HDAC9: variants seen among roughly 807,000 people sequenced by gnomAD.
The protein encoded by HDAC9 is histone deacetylase 9.
HDAC9 carries 41 observed loss-of-function variants against 139.4 expected under a neutral mutation model. The observed-to-expected ratio is 0.29, with a 90% CI of 0.23 to 0.38. The LOEUF (loss-of-function observed/expected upper bound fraction) is 0.38. Among genes scored for constraint, HDAC9 ranks in the 10% least tolerant of loss-of-function variants. The pLI is 1.00. For synonymous variants in HDAC9, 517 were observed against 476.2 expected, an observed-to-expected ratio of 1.09 and a Z score of -1.12; for missense variants, 1,147 against 1,297.0, an observed-to-expected ratio of 0.88 and a Z score of 1.78.
In HDAC9 at chr7:18,975,913, A is replaced by T. The variant is rs2129337915; in HGVS notation, c.3130A>T (p.Thr1044Ser). Residue 1044 changes from threonine (T) to serine (S), a missense_variant, in exon 25 of 26, where the codon ACA becomes TCA. Coordinates refer to ENST00000686413, the MANE Select transcript of HDAC9 (RefSeq NM_178425.4). Reference sequence around the variant, plus strand: ...GACCGTTTCTGCCCTGGCCTCCCTAACAGTGGATGTGGAACAGCCCTTTGC... The same window carrying T: ...GACCGTTTCTGCCCTGGCCTCCCTATCAGTGGATGTGGAACAGCCCTTTGC... ...TETVSALASL[T>S]VDVEQPFAQE... 1 of 1,613,898 alleles carries T rather than the reference A, an allele frequency of 6.2e-7. No individual in the cohort carries two copies. The highest frequency in any genetic ancestry group is 8.5e-7 in the Non-Finnish European group (1 of 1,179,844).
chr7:18,736,579 G>A (rs1398636054), intron 13 of HDAC9, among the ~76,000 whole-genome samples: 3 of 152,214 alleles, frequency 2.0e-5, no homozygotes. Flanking sequence ...TCCCAGCGAT[G>A]AAGCTGACTT....
chr7:18,629,236 G>T (rs560180222), intron 6 of HDAC9, 114 bp from the exon 7 acceptor site: 12 of 944,982 alleles, frequency 1.3e-5, no homozygotes, highest in Admixed American at 3.3e-5. Context: ...TTTCATTTGA[G>T]AATGAGAATG....
chr7:18,221,987 C>CCTTT (rs1792738998), intron 2 of HDAC9, among the ~76,000 whole-genome samples: 1 of 152,090 alleles, frequency 6.6e-6, no homozygotes, highest in Non-Finnish European at 1.5e-5. Context: ...TGTCTTGTTT[C>CCTTT]CTTTCTACTA....
chr7:18,454,269 T>G (rs1356683594), intron 1 of HDAC9, among the ~76,000 whole-genome samples: 2 of 152,120 alleles, frequency 1.3e-5, no homozygotes, highest in East Asian at 3.8e-4. Context: ...ATTAATCTTA[T>G]AATTTTAGGT....
chr7:18,726,900 G>C (rs1785595099), intron 12 of HDAC9, among the ~76,000 whole-genome samples: 1 of 152,054 alleles, frequency 6.6e-6, no homozygotes, highest in Admixed American at 6.6e-5. Flanking sequence ...TCCAAACTGT[G>C]ATTCACTGAT....
At chr7:18,963,303 C>A (rs7789450) in intron 24 of HDAC9, among the ~76,000 whole-genome samples, 30,560 of 152,100 alleles carry the variant, frequency 0.2, 3,321 homozygotes, top group East Asian at 0.39. Context: ...TTGATAGATA[C>A]TAAAGAGTTT....
At chr7:18,526,921 G>A (rs1424558337) in intron 2 of HDAC9, among the ~76,000 whole-genome samples, 2 of 152,112 alleles carry the variant, frequency 1.3e-5, no homozygotes, top group African/African-American at 4.8e-5. Flanking sequence ...CAGAGACAAT[G>A]TCTTTGAAAG....
At chr7:18,555,272 C>T (rs1460874636) in intron 2 of HDAC9, among the ~76,000 whole-genome samples, 1 of 152,100 alleles carries the variant, frequency 6.6e-6, no homozygotes, top group African/African-American at 2.4e-5. Flanking sequence ...GGGAACCTCT[C>T]CTAAGGAAAC....
intron 10 of HDAC9, 57 bp downstream of exon 10, chr7:18,648,055 C>G: frequency 7.5e-7 from 1 of 1,324,900 alleles, no homozygotes; most frequent in East Asian, 2.5e-5. Context: ...TATTAGTGAT[C>G]CAGGATAATG....
chr7:18,496,387 A>C, intron 2 of HDAC9, 63 bp downstream of exon 2: 2 of 1,380,110 alleles, frequency 1.4e-6, no homozygotes, highest in Non-Finnish European at 2.0e-6. Context: ...TGGGAAATGC[A>C]GCTAAGAAAA....
chr7:18,957,229 G>A (rs539600133), intron 24 of HDAC9, among the ~76,000 whole-genome samples: 5 of 152,148 alleles, frequency 3.3e-5, no homozygotes, highest in South Asian at 2.1e-4. Context: ...TTTGACCACC[G>A]TGTGGTGCAT....
chr7:18,613,676 G>A (rs1837793218), intron 6 of HDAC9, among the ~76,000 whole-genome samples: 1 of 151,924 alleles, frequency 6.6e-6, no homozygotes, highest in Admixed American at 6.6e-5. Context: ...AACTTTTATT[G>A]AGCATTTATT....
chr7:18,281,725 G>T (rs1797120114), intron 2 of HDAC9, among the ~76,000 whole-genome samples: 1 of 152,190 alleles, frequency 6.6e-6, no homozygotes, highest in Non-Finnish European at 1.5e-5. Context: ...TTAGACATCT[G>T]ACTTGAAGAC....
intron 2 of HDAC9, among the ~76,000 whole-genome samples, chr7:18,172,846 T>G (rs532847555): frequency 1.3e-5 from 2 of 152,214 alleles, no homozygotes; most frequent in Non-Finnish European, 2.9e-5. Flanking sequence ...TCTTTTACAT[T>G]TGCTGAGGAG....
intron 13 of HDAC9, among the ~76,000 whole-genome samples, chr7:18,747,131 C>T (rs761943616): frequency 2.0e-5 from 3 of 151,896 alleles, no homozygotes; most frequent in African/African-American, 4.8e-5. Context: ...CTTTTGTAGG[C>T]GAAATAGAGA....
At chr7:18,772,939 G>A (rs1163851217) in intron 16 of HDAC9, among the ~76,000 whole-genome samples, 2 of 152,036 alleles carry the variant, frequency 1.3e-5, no homozygotes, top group Non-Finnish European at 2.9e-5. Flanking sequence ...TATGCTAATT[G>A]TGTATACTCA....
chr7:18,858,838 C>G (rs1797881136), intron 21 of HDAC9, among the ~76,000 whole-genome samples: 2 of 152,144 alleles, frequency 1.3e-5, no homozygotes, highest in African/African-American at 2.4e-5. Context: ...TTACCATGTC[C>G]TGATCTCCTG....
At chr7:18,120,603 G>T (rs1299448796) in intron 1 of HDAC9, among the ~76,000 whole-genome samples, 1 of 151,990 alleles carries the variant, frequency 6.6e-6, no homozygotes, top group Non-Finnish European at 1.5e-5. Context: ...TTTGGGTGGG[G>T]GTAGGCAGCG....
intron 1 of HDAC9, among the ~76,000 whole-genome samples, chr7:18,396,690 A>G (rs1359493553): frequency 1.3e-5 from 2 of 152,144 alleles, no homozygotes; most frequent in African/African-American, 2.4e-5. Flanking sequence ...GACCAGGCTT[A>G]AAAATTCCAG....
Sources: gnomAD v4.1 joint callset for allele counts (sites outside exome capture counted in the v4.1 genomes callset) on GRCh38, gnomAD v4.1.1 for gene constraint, MANE v1.5 for transcripts, NCBI Gene and HGNC (gene_info 2026-07-23, HGNC 2026-07-21) for gene names.